The following CSMD3 variants were observed in gnomAD, a reference collection of about 807,000 sequenced individuals.
CSMD3 encodes CUB and Sushi multiple domains 3, also known as CUB and sushi domain-containing protein 3.
A neutral mutation model predicts 435.2 loss-of-function variants in CSMD3; 177 were observed. That is an observed-to-expected ratio of 0.41 (90% CI 0.36 to 0.46). CSMD3 has a LOEUF of 0.46. Among genes scored for constraint, CSMD3 ranks in the 20% least tolerant of loss-of-function variants. The probability of loss-of-function intolerance (pLI) is 0.34; values close to 1 mark genes in which losing one functional copy is unlikely to be tolerated. For missense variants in CSMD3, 4,265 were observed against 4,504.6 expected (o/e 0.95, Z 1.52); for synonymous variants, 1,656 against 1,520.5 (o/e 1.09, Z -2.07).
chr8:113,386,420 G>C (rs1428524622), intron 1 of CSMD3, among the ~76,000 whole-genome samples: 2 of 151,852 alleles, frequency 1.3e-5, no homozygotes, highest in East Asian at 3.9e-4. Context: ...ATATGAATTA[G>C]TTGATGCATA....
chr8:112,699,412 G>A (rs895833997), intron 13 of CSMD3, among the ~76,000 whole-genome samples: 31 of 152,044 alleles, frequency 2.0e-4, no homozygotes, highest in Non-Finnish European at 3.4e-4. Context: ...AGAACCCACC[G>A]GAAGGAACCA....
chr8:112,787,999 A>T (rs1235743580), intron 13 of CSMD3, among the ~76,000 whole-genome samples: 5 of 152,076 alleles, frequency 3.3e-5, no homozygotes, highest in African/African-American at 1.2e-4. Flanking sequence ...AGTGATGGAT[A>T]CCCCACTTAC....
intron 6 of CSMD3, among the ~76,000 whole-genome samples, chr8:113,001,738 A>T (rs537108451): frequency 2.4e-4 from 36 of 152,212 alleles, no homozygotes; most frequent in African/African-American, 8.2e-4. Flanking sequence ...GGATAACAAC[A>T]TCATTTTTTT....
At chr8:112,817,452 C>CAATT (rs35546379) in intron 12 of CSMD3, among the ~76,000 whole-genome samples, 124,455 of 151,686 alleles carry the variant, frequency 0.82, 51,278 homozygotes, top group African/African-American at 0.88. Flanking sequence ...ATCTGTGAAA[C>CAATT]AAAGTTCTTT....
At position 112,265,512 on chromosome 8, in the gene CSMD3, G is replaced by A. The variant is rs756091490; in HGVS notation, c.9587C>T (p.Ser3196Phe). 8 of 1,613,464 alleles carry A rather than the reference G, an allele frequency of 5.0e-6. No homozygotes were observed. In the East Asian group the frequency reaches 1.8e-4, roughly 36 times the overall value. ...GDDYVVGQNV[S>F]YMCQPGYTME... ...CGTGTAGCCTGGCTGGCACATGTAA[G>A]AAACATTTTGTCCAACCACATAATC... is the stretch of plus-strand genomic sequence containing the variant. Residue 3196 changes from serine (S) to phenylalanine (F), a missense_variant, in exon 60 of 71, where the codon TCT becomes TTT. Around this residue, in one of 3 missense-constraint regions of CSMD3, gnomAD observed 3,255 missense variants for 3,380.2 expected, o/e 0.96. Coordinates refer to ENST00000297405, the MANE Select transcript of CSMD3 (RefSeq NM_198123.2).
At chr8:113,408,014 C>A (rs1248076119) in intron 1 of CSMD3, among the ~76,000 whole-genome samples, 4 of 152,046 alleles carry the variant, frequency 2.6e-5, no homozygotes, top group Non-Finnish European at 4.4e-5. Context: ...ACCAGAGCTA[C>A]TTTTTTAAAT....
intron 13 of CSMD3, among the ~76,000 whole-genome samples, chr8:112,707,314 C>T (rs2076519554): frequency 6.6e-6 from 1 of 151,960 alleles, no homozygotes; most frequent in Non-Finnish European, 1.5e-5. Flanking sequence ...GACAGTGAAA[C>T]AAGTGAGCAG....
intron 38 of CSMD3, among the ~76,000 whole-genome samples, chr8:112,375,655 A>T (rs1828872593): frequency 4.0e-5 from 6 of 151,856 alleles, no homozygotes; most frequent in Admixed American, 2.6e-4. Context: ...CATCTTGTTA[A>T]ATATTAATGA....
chr8:112,523,337 A>T (rs1824504089), intron 27 of CSMD3, among the ~76,000 whole-genome samples: 1 of 151,994 alleles, frequency 6.6e-6, no homozygotes, highest in Admixed American at 6.6e-5. Flanking sequence ...TTAAATTTTT[A>T]TTCTAACAAT....
chr8:112,396,863 T>C (rs1343759486), intron 35 of CSMD3, among the ~76,000 whole-genome samples: 1 of 152,132 alleles, frequency 6.6e-6, no homozygotes, highest in African/African-American at 2.4e-5. Context: ...CAGAAAATTA[T>C]TTTAGATAGG....
chr8:113,040,713 A>C (rs560652236), intron 5 of CSMD3, among the ~76,000 whole-genome samples: 3 of 152,272 alleles, frequency 2.0e-5, no homozygotes, highest in South Asian at 4.1e-4. Context: ...GGAGATGTTA[A>C]GTTTACAGTG....
chr8:112,646,768 A>T (rs898168254), intron 19 of CSMD3, among the ~76,000 whole-genome samples: 1 of 152,186 alleles, frequency 6.6e-6, no homozygotes, highest in Non-Finnish European at 1.5e-5. Flanking sequence ...TTGGATGAAG[A>T]CACTGAAGAG....
chr8:112,546,495 A>C (rs1332098654), intron 27 of CSMD3, among the ~76,000 whole-genome samples: 1 of 152,172 alleles, frequency 6.6e-6, no homozygotes, highest in Non-Finnish European at 1.5e-5. Context: ...AGATTTTTCA[A>C]CAGTATTAGC....
At chr8:113,366,523 A>G (rs1455651872) in intron 1 of CSMD3, among the ~76,000 whole-genome samples, 5 of 152,096 alleles carry the variant, frequency 3.3e-5, no homozygotes, top group African/African-American at 1.2e-4. Flanking sequence ...GAAAACAAGC[A>G]TGGCCCTCCA....
At chr8:112,436,973 T>C (rs1814425090) in intron 32 of CSMD3, among the ~76,000 whole-genome samples, 1 of 152,062 alleles carries the variant, frequency 6.6e-6, no homozygotes, top group South Asian at 2.1e-4. Flanking sequence ...TCATTTTGTA[T>C]TTAGTCTTTA....
intron 12 of CSMD3, among the ~76,000 whole-genome samples, chr8:112,814,576 A>G (rs565724299): frequency 4.6e-5 from 7 of 152,258 alleles, no homozygotes; most frequent in Non-Finnish European, 2.9e-5. Flanking sequence ...TGAAGACAGC[A>G]GTTCGAGACC....
intron 1 of CSMD3, among the ~76,000 whole-genome samples, chr8:113,373,188 A>G (rs1189935904): frequency 6.6e-6 from 1 of 152,124 alleles, no homozygotes; most frequent in African/African-American, 2.4e-5. Flanking sequence ...TTAGACACAC[A>G]CAGATGGTAT....
At chr8:112,665,924 T>G (rs2075511894) in intron 17 of CSMD3, among the ~76,000 whole-genome samples, 2 of 152,110 alleles carry the variant, frequency 1.3e-5, no homozygotes, top group African/African-American at 2.4e-5. Context: ...TTTGAATGTG[T>G]TTACAGCACC....
intron 3 of CSMD3, among the ~76,000 whole-genome samples, chr8:113,204,483 T>C (rs974357454): frequency 6.6e-6 from 1 of 152,144 alleles, no homozygotes; most frequent in East Asian, 1.9e-4. Flanking sequence ...TAAAATAATA[T>C]TAATTTATTA....
Sources: allele counts gnomAD v4.1 joint callset (sites outside exome capture counted in the v4.1 genomes callset), GRCh38; gene constraint gnomAD v4.1.1; regional missense constraint gnomAD v4.1.1; transcripts MANE v1.5; gene names NCBI Gene and HGNC (gene_info 2026-07-23, HGNC 2026-07-21).